Variants in MAF observed in about 807,000 individuals in gnomAD.
MAF encodes transcription factor Maf.
MAF carries 10 observed loss-of-function variants against 22.0 expected under a neutral mutation model. The observed-to-expected ratio is 0.45, with a 90% CI of 0.28 to 0.77. The LOEUF is 0.77. MAF is among the 30% of genes least tolerant of loss of function. MAF has a pLI of 0.12. For synonymous variants in MAF, 337 were observed against 255.8 expected, an observed-to-expected ratio of 1.32 and a Z score of -3.03; for missense variants, 544 against 548.4, an observed-to-expected ratio of 0.99 and a Z score of 0.08.
At chr16:79,541,911 C>G in the MAF span, among the ~76,000 whole-genome samples, 2 of 152,078 alleles carry the variant, frequency 1.3e-5, no homozygotes, top group Admixed American at 1.3e-4. Flanking sequence ...CATCCTCAGC[C>G]TCCCAAAGTG....
At chr16:79,469,405 G>T in the MAF span, among the ~76,000 whole-genome samples, 3 of 152,056 alleles carry the variant, frequency 2.0e-5, no homozygotes, top group Non-Finnish European at 2.9e-5. Flanking sequence ...CAACTCTCCC[G>T]CCTATTACCT....
At chr16:79,215,477 G>T in the MAF span, among the ~76,000 whole-genome samples, 1 of 152,124 alleles carries the variant, frequency 6.6e-6, no homozygotes, top group African/African-American at 2.4e-5. Flanking sequence ...GAAGATATTG[G>T]CGTATCATCA....
In MAF at chr16:79,594,275, C is replaced by G. The variant is rs30412; in HGVS notation, c.*185G>C. 562,183 of 614,508 alleles carry G rather than the reference C, an allele frequency of 0.91. 258,308 individuals are homozygous for G. The highest frequency in any genetic ancestry group is 1 in the East Asian group (34,917 of 35,080). The allele number at this position is 614,508 out of a possible 1,614,324, so 38.1% of individuals were successfully genotyped here. ...GAAAAGCAGGAGTGCGCTTTCCTACCGGTCTCTATGAAACCCCCAGACAAG... is the reference window on the plus strand; with the variant it reads ...GAAAAGCAGGAGTGCGCTTTCCTACGGGTCTCTATGAAACCCCCAGACAAG... On this transcript the variant is annotated 3_prime_UTR_variant, in exon 2 of 2. Transcript: ENST00000326043.
chr16:79,566,879 A>G, the MAF span, among the ~76,000 whole-genome samples: 20,519 of 152,172 alleles, frequency 0.13, 1,506 homozygotes, highest in African/African-American at 0.18. Flanking sequence ...TGAGGCTCTG[A>G]TGGATGTAGG....
At chr16:79,465,738 A>C in the MAF span, among the ~76,000 whole-genome samples, 9 of 152,268 alleles carry the variant, frequency 5.9e-5, no homozygotes, top group African/African-American at 2.2e-4. Flanking sequence ...GCATTACTTA[A>C]TCTCTCTGAC....
chr16:79,217,236 G>A, the MAF span, among the ~76,000 whole-genome samples: 2 of 152,204 alleles, frequency 1.3e-5, no homozygotes, highest in African/African-American at 4.8e-5. Context: ...CCTCTCCACA[G>A]TCTCATAGCT....
chr16:79,215,064 A>C, the MAF span, among the ~76,000 whole-genome samples: 1 of 151,984 alleles, frequency 6.6e-6, no homozygotes, highest in Non-Finnish European at 1.5e-5. Context: ...CCTTCTCCCC[A>C]TTTTACTGAT....
At chr16:79,466,430 T>G in the MAF span, among the ~76,000 whole-genome samples, 1 of 152,210 alleles carries the variant, frequency 6.6e-6, no homozygotes, top group Non-Finnish European at 1.5e-5. Context: ...GGCTTTGTGT[T>G]GAAACGAGCA....
At chr16:79,445,250 A>G in the MAF span, among the ~76,000 whole-genome samples, 280 of 151,170 alleles carry the variant, frequency 1.9e-3, 2 homozygotes, top group Middle Eastern at 0.014. Context: ...TCACCATGTT[A>G]GCCAGGATGG....
the MAF span, among the ~76,000 whole-genome samples, chr16:79,322,914 G>T: frequency 6.6e-6 from 1 of 151,918 alleles, no homozygotes; most frequent in African/African-American, 2.4e-5. Flanking sequence ...ACTTTGGGAG[G>T]CCGAGGTGAA....
the MAF span, among the ~76,000 whole-genome samples, chr16:79,323,922 G>A: frequency 6.6e-6 from 1 of 152,218 alleles, no homozygotes; most frequent in Non-Finnish European, 1.5e-5. Context: ...AGAGAGAGGT[G>A]GGTAGATATT....
the MAF span, among the ~76,000 whole-genome samples, chr16:79,474,312 T>C: frequency 6.6e-5 from 10 of 152,230 alleles, no homozygotes; most frequent in African/African-American, 2.4e-4. Context: ...ACTATTACCA[T>C]TTATAAAAAT....
chr16:79,429,914 C>G, the MAF span, among the ~76,000 whole-genome samples: 1 of 152,180 alleles, frequency 6.6e-6, no homozygotes, highest in Admixed American at 6.5e-5. Context: ...ATCTAAACAG[C>G]TTTCCGAGGG....
At chr16:79,251,921 G>C in the MAF span, among the ~76,000 whole-genome samples, 2 of 152,220 alleles carry the variant, frequency 1.3e-5, no homozygotes, top group Admixed American at 1.3e-4. Context: ...TTGGTTATCA[G>C]TGGAACCCTT....
At chr16:79,261,102 A>G in the MAF span, among the ~76,000 whole-genome samples, 2 of 152,106 alleles carry the variant, frequency 1.3e-5, no homozygotes, top group Non-Finnish European at 2.9e-5. Context: ...GGAGCAGGTG[A>G]GGAAGCTGGC....
chr16:79,440,842 T>C, the MAF span, among the ~76,000 whole-genome samples: 1 of 152,250 alleles, frequency 6.6e-6, no homozygotes, highest in Non-Finnish European at 1.5e-5. Context: ...CTCACTTGGC[T>C]CTTGGTCTGT....
At chr16:79,561,781 T>C in the MAF span, among the ~76,000 whole-genome samples, 1 of 152,256 alleles carries the variant, frequency 6.6e-6, no homozygotes, top group African/African-American at 2.4e-5. Context: ...TGAAACTCAA[T>C]GGACTGAGAA....
chr16:79,501,441 C>G, the MAF span, among the ~76,000 whole-genome samples: 605 of 152,300 alleles, frequency 4.0e-3, 2 homozygotes, highest in African/African-American at 0.014. Context: ...GGACACCAGT[C>G]AAGCCACCAG....
the MAF span, among the ~76,000 whole-genome samples, chr16:79,290,062 G>A: frequency 6.6e-6 from 1 of 151,982 alleles, no homozygotes; most frequent in African/African-American, 2.4e-5. Flanking sequence ...TCACCATGTT[G>A]GCCAGGCACT....
Sources: gnomAD v4.1 joint callset for allele counts (sites outside exome capture counted in the v4.1 genomes callset) on GRCh38, gnomAD v4.1.1 for gene constraint, MANE v1.5 for transcripts, NCBI Gene and HGNC (gene_info 2026-07-23, HGNC 2026-07-21) for gene names.